The following CDC42BPB variants were observed in gnomAD, a reference collection of about 807,000 sequenced individuals.
The protein encoded by CDC42BPB is CDC42 binding protein kinase beta.
A neutral mutation model predicts 214.9 loss-of-function variants in CDC42BPB; 37 were observed. That is an observed-to-expected ratio of 0.17 (90% CI 0.13 to 0.23). The LOEUF (loss-of-function observed/expected upper bound fraction) is 0.23. Among genes scored for constraint, CDC42BPB ranks in the 10% least tolerant of loss-of-function variants. The probability of loss-of-function intolerance (pLI) is 1.00; values close to 1 mark genes in which losing one functional copy is unlikely to be tolerated. For missense variants in CDC42BPB, 1,694 were observed against 2,227.0 expected (o/e 0.76, Z 4.82); for synonymous variants, 931 against 884.0 (o/e 1.05, Z -0.94).
Position 102,963,094 on chromosome 14 carries a change from T to G in CDC42BPB, c.2788A>C (p.Lys930Gln), listed in dbSNP as rs1234895122. ...ELLEEMEILK[K>Q]KMEEKFRADT... is the part of the protein sequence containing the mutation. ...GCTCTGAATTTTTCTTCCATCTTTT[T>G]CTTCAAAATTTCCATTTCTTCTAAT... The change falls in exon 20 of 37, where the codon AAA becomes CAA. Residue 930 changes from lysine (K) to glutamine (Q), a missense_variant. By Grantham distance (53) the Lys-to-Gln change is moderately conservative. Around this residue, in one of 7 missense-constraint regions of CDC42BPB, gnomAD observed 156 missense variants for 154.5 expected, o/e 1.01. Coordinates refer to ENST00000361246, the MANE Select transcript of CDC42BPB (RefSeq NM_006035.4). 3.2e-6 allele frequency: 5 copies of G among 1,574,450 alleles called. No homozygotes were observed. The highest frequency in any genetic ancestry group is 1.7e-5 in the Admixed American group (1 of 59,778).
chr14:102,940,357 C>T, intron 30 of CDC42BPB, 33 bp from the exon 31 acceptor site: 1 of 1,551,628 alleles, frequency 6.4e-7, no homozygotes, highest in South Asian at 1.2e-5. Context: ...GGGTGAGCCA[C>T]AGTGGCTCAG....
chr14:102,949,642 T>C lies in CDC42BPB; in HGVS notation c.3449+123A>G, dbSNP rs1595457731. Reference sequence around the variant, plus strand: ...TAAGCTGTACCCATTTTTGCAACCATACAATAATGAAGCAGGTGAAGTACT... The same window carrying C: ...TAAGCTGTACCCATTTTTGCAACCACACAATAATGAAGCAGGTGAAGTACT... On this transcript the variant is annotated intron_variant, in intron 26 of 36. Transcript: ENST00000361246. 2.2e-5 allele frequency: 29 copies of C among 1,296,340 alleles called. No individual in the cohort carries two copies. In the South Asian group the frequency reaches 4.0e-4, roughly 18 times the overall value. 80.3% of individuals were successfully genotyped at this position (1,296,340 alleles called of 1,614,324 possible). A position where few individuals can be genotyped will look rare whatever the true frequency, so the allele number is the denominator to read the frequency against.
At chr14:103,025,059 A>G (rs1886975596) in intron 1 of CDC42BPB, among the ~76,000 whole-genome samples, 1 of 152,114 alleles carries the variant, frequency 6.6e-6, no homozygotes, top group South Asian at 2.1e-4. Context: ...GTGAATTCAG[A>G]AAAGTCTGGT....
In CDC42BPB at chr14:103,056,611, CA is replaced by C. The variant is rs1414133984; in HGVS notation, c.175+387del. Among the ~76,000 whole-genome samples the C allele has an allele frequency of 2.9e-5, 4 of 137,444 alleles. No homozygotes were observed. In the East Asian group the frequency reaches 8.5e-4, roughly 29 times the overall value. The allele number at this position is 137,444 out of a possible 152,430, so 90.2% of individuals were successfully genotyped here. A position where few individuals can be genotyped will look rare whatever the true frequency, so the allele number is the denominator to read the frequency against. On this transcript the variant is annotated intron_variant, in intron 1 of 36. Coordinates refer to ENST00000361246, the MANE Select transcript of CDC42BPB (RefSeq NM_006035.4). The stretch of plus-strand genomic sequence containing the variant: ...GGGGCGGATATCCCAGTGAGTGCTG[CA>C]GGAAATGATATCCAGACTCGGAGGG...
At chr14:102,985,371 G>C (rs576193426) in intron 6 of CDC42BPB, among the ~76,000 whole-genome samples, 7 of 150,316 alleles carry the variant, frequency 4.7e-5, no homozygotes, top group Admixed American at 4.0e-4. Flanking sequence ...GGTAACCCAT[G>C]CTCTTGTTAT....
intron 14 of CDC42BPB, among the ~76,000 whole-genome samples, chr14:102,969,879 A>C (rs1222205621): frequency 6.6e-6 from 1 of 152,248 alleles, no homozygotes; most frequent in Non-Finnish European, 1.5e-5. Flanking sequence ...GTAGGAAATG[A>C]GCCAATTAGA....
At chr14:102,946,352 CTG>C in intron 28 of CDC42BPB, 114 bp downstream of exon 28, 1 of 1,146,036 alleles carries the variant, frequency 8.7e-7, no homozygotes, top group Non-Finnish European at 1.2e-6. Context: ...CATGGAGAAA[CTG>C]TCTACAAACC....
chr14:103,005,779 T>C (rs1895209233), intron 3 of CDC42BPB, among the ~76,000 whole-genome samples: 1 of 152,118 alleles, frequency 6.6e-6, no homozygotes, highest in Non-Finnish European at 1.5e-5. Context: ...CCCAGCACTT[T>C]GGGAGGCTGA....
At chr14:102,986,637 C>A in intron 5 of CDC42BPB, 57 bp from the exon 6 acceptor site, 1 of 1,592,636 alleles carries the variant, frequency 6.3e-7, no homozygotes, top group South Asian at 1.1e-5. Context: ...TTAGGTAGAT[C>A]AAAGCCCTTA....
At chr14:103,003,514 G>A (rs543587465) in intron 4 of CDC42BPB, among the ~76,000 whole-genome samples, 1 of 152,312 alleles carries the variant, frequency 6.6e-6, no homozygotes, top group East Asian at 1.9e-4. Flanking sequence ...CCCCCCCACC[G>A]CGGGAAGACA....
intron 1 of CDC42BPB, among the ~76,000 whole-genome samples, chr14:103,029,300 G>A (rs1887216609): frequency 6.6e-6 from 1 of 152,204 alleles, no homozygotes; most frequent in African/African-American, 2.4e-5. Context: ...CCAGCATTTT[G>A]GGAGGCCGAG....
intron 21 of CDC42BPB, among the ~76,000 whole-genome samples, chr14:102,957,989 G>C (rs955774430): frequency 1.3e-5 from 2 of 152,246 alleles, no homozygotes; most frequent in African/African-American, 2.4e-5. Flanking sequence ...ACCCAGAGTG[G>C]ACATTCTGCA....
At chr14:103,035,212 C>A (rs1448699781) in intron 1 of CDC42BPB, among the ~76,000 whole-genome samples, 1 of 152,068 alleles carries the variant, frequency 6.6e-6, no homozygotes, top group African/African-American at 2.4e-5. Flanking sequence ...CATGTGCCAC[C>A]ATGCCCGGCT....
intron 4 of CDC42BPB, among the ~76,000 whole-genome samples, chr14:103,002,268 C>T (rs565553632): frequency 6.1e-4 from 93 of 152,324 alleles, no homozygotes; most frequent in African/African-American, 2.1e-3. Context: ...CCCGCAGTCA[C>T]GGGCCAGAAA....
At chr14:102,963,515 A>G (rs1287075705) in intron 19 of CDC42BPB, among the ~76,000 whole-genome samples, 5 of 152,236 alleles carry the variant, frequency 3.3e-5, no homozygotes, top group African/African-American at 1.2e-4. Flanking sequence ...AACTGGCAAG[A>G]TGGTGGCTGC....
intron 34 of CDC42BPB, among the ~76,000 whole-genome samples, chr14:102,939,379 C>T (rs961556430): frequency 6.6e-6 from 1 of 152,262 alleles, no homozygotes; most frequent in Non-Finnish European, 1.5e-5. Context: ...CAAGTACCTG[C>T]AGCATCACTG....
chr14:102,964,455 C>G (rs1201342721), intron 19 of CDC42BPB, 47 bp downstream of exon 19: 1 of 1,602,908 alleles, frequency 6.2e-7, no homozygotes, highest in Non-Finnish European at 8.5e-7. Flanking sequence ...GGCTCGAGGC[C>G]ACACAGCCAC....
chr14:102,944,120 C>G lies in CDC42BPB; in HGVS notation c.4179G>C (p.Gly1393=). The change falls in exon 30 of 37, where the codon GGG becomes GGC. Residue 1393 remains glycine, a synonymous_variant. Coordinates refer to ENST00000361246, the MANE Select transcript of CDC42BPB (RefSeq NM_006035.4). The surrounding 1 kb of genome is among the most constrained non-coding windows in gnomAD (Gnocchi z 6.6). Reference sequence around the variant, plus strand: ...CCCCCTGGATGCTCAGCAGGCAGAACCCAGAAGGGTAGCCCACACAGAGCC... The same window carrying G: ...CCCCCTGGATGCTCAGCAGGCAGAAGCCAGAAGGGTAGCCCACACAGAGCC... ...RDRLCVGYPS[G]FCLLSIQGDG... The G allele has an allele frequency of 6.2e-7, 1 of 1,613,280 alleles. No individual in the cohort carries two copies. Among genetic ancestry groups the G allele is most frequent in the Non-Finnish European group, 8.5e-7 (1 of 1,179,996 alleles).
intron 1 of CDC42BPB, among the ~76,000 whole-genome samples, chr14:103,050,694 C>G (rs1229389630): frequency 6.6e-6 from 1 of 152,022 alleles, no homozygotes; most frequent in Non-Finnish European, 1.5e-5. Context: ...GAAGTCAAGG[C>G]TGCAGTGAGA....
Sources: gnomAD v4.1 joint callset for allele counts (sites outside exome capture counted in the v4.1 genomes callset) on GRCh38, gnomAD v4.1.1 for gene constraint, gnomAD v4.1.1 regional missense constraint, Gnocchi (gnomAD v3.1) non-coding constraint, MANE v1.5 for transcripts, NCBI Gene and HGNC (gene_info 2026-07-23, HGNC 2026-07-21) for gene names.